The following PACRG variants were observed in gnomAD, a reference collection of about 807,000 sequenced individuals.
PACRG encodes the protein parkin coregulated.
A neutral mutation model predicts 29.7 loss-of-function variants in PACRG; 29 were observed. The observed-to-expected ratio is 0.98, with a 90% confidence interval of 0.73 to 1.33. The LOEUF (loss-of-function observed/expected upper bound fraction) is 1.33, where lower values mean the gene tolerates loss of function less well. Among genes scored for constraint, PACRG ranks in the 40% most tolerant of loss-of-function variants. PACRG has a pLI of 0.00. For synonymous variants in PACRG, 116 were observed against 118.7 expected (o/e 0.98, Z 0.15); for missense variants, 279 against 316.2 (o/e 0.88, Z 0.89).
chr6:162,876,005 T>C (rs1793313827), intron 2 of PACRG, among the ~76,000 whole-genome samples: 1 of 152,168 alleles, frequency 6.6e-6, no homozygotes, highest in East Asian at 1.9e-4. Flanking sequence ...CTTCCCTAGA[T>C]AGAGCCGAAG....
chr6:163,165,655 C>T (rs1778768423), intron 4 of PACRG: 1 of 191,994 alleles, frequency 5.2e-6, no homozygotes, highest in Non-Finnish European at 1.1e-5. Flanking sequence ...AGGGGAGAGG[C>T]GCTGGCCCAG....
At chr6:162,752,298 A>G (rs1158036602) in intron 1 of PACRG, among the ~76,000 whole-genome samples, 1 of 152,192 alleles carries the variant, frequency 6.6e-6, no homozygotes, top group Non-Finnish European at 1.5e-5. Context: ...TGTATATGAG[A>G]GGCAAGTATG....
intron 2 of PACRG, among the ~76,000 whole-genome samples, chr6:163,016,487 A>G (rs1373694519): frequency 1.3e-5 from 2 of 151,896 alleles, no homozygotes; most frequent in Non-Finnish European, 2.9e-5. Context: ...CTGTTAATTT[A>G]GAAAATTGAT....
At chr6:162,990,430 C>G (rs1195942497) in intron 2 of PACRG, among the ~76,000 whole-genome samples, 2 of 149,948 alleles carry the variant, frequency 1.3e-5, no homozygotes, top group Non-Finnish European at 1.5e-5. Context: ...GATTGCCATT[C>G]TAACTGGTGT....
intron 4 of PACRG, among the ~76,000 whole-genome samples, chr6:163,280,646 T>G (rs764038269): frequency 6.6e-6 from 1 of 152,158 alleles, no homozygotes; most frequent in Non-Finnish European, 1.5e-5. Flanking sequence ...GTTCGGCCAA[T>G]TTAGTATCTG....
At chr6:163,197,123 C>T (rs61181974) in intron 4 of PACRG, among the ~76,000 whole-genome samples, 2 of 152,050 alleles carry the variant, frequency 1.3e-5, no homozygotes, top group Non-Finnish European at 2.9e-5. Context: ...TTCAAGATAA[C>T]TTTTTTCTGC....
At position 162,827,680 on chromosome 6, in the gene PACRG, C is replaced by T. The variant is rs117600976; in HGVS notation, c.291+13399C>T. Among the ~76,000 whole-genome samples the T allele has an allele frequency of 1.4e-3, 214 of 152,234 alleles. 4 individuals carry two copies. In the East Asian group the frequency reaches 0.036, roughly 26 times the overall value. ...ATCACTTGATGTCTTGTACTTTATACATCAGACATCTCTGTGCATGTAGAT... is the reference window on the plus strand; with the variant it reads ...ATCACTTGATGTCTTGTACTTTATATATCAGACATCTCTGTGCATGTAGAT... On this transcript the variant is annotated intron_variant, in intron 2 of 4. Coordinates refer to ENST00000366888, the MANE Select transcript of PACRG (RefSeq NM_001080379.2).
At chr6:162,900,788 C>T (rs1010652062) in intron 2 of PACRG, among the ~76,000 whole-genome samples, 9 of 152,324 alleles carry the variant, frequency 5.9e-5, no homozygotes, top group Non-Finnish European at 1.2e-4. Flanking sequence ...GGCTCCTTCT[C>T]AGCCATCGGA....
At chr6:162,824,572 G>A (rs1341971507) in intron 2 of PACRG, among the ~76,000 whole-genome samples, 2 of 152,166 alleles carry the variant, frequency 1.3e-5, no homozygotes, top group East Asian at 1.9e-4. Flanking sequence ...GAGATACTGT[G>A]TCAGAGATTC....
chr6:163,289,151 T>C (rs1784495120), intron 4 of PACRG, among the ~76,000 whole-genome samples: 1 of 152,170 alleles, frequency 6.6e-6, no homozygotes, highest in Admixed American at 6.5e-5. Context: ...CTACCCCACA[T>C]GAGCAGAAAC....
intron 2 of PACRG, among the ~76,000 whole-genome samples, chr6:162,922,574 A>G (rs1584763767): frequency 6.6e-6 from 1 of 151,426 alleles, no homozygotes; most frequent in Middle Eastern, 3.4e-3. Flanking sequence ...CCCCATCCCC[A>G]CCAGCCTTCC....
chr6:163,056,580 T>A (rs1211577411), intron 2 of PACRG, among the ~76,000 whole-genome samples: 1 of 152,142 alleles, frequency 6.6e-6, no homozygotes, highest in African/African-American at 2.4e-5. Flanking sequence ...TGGTAGATCC[T>A]GAACCATTAC....
At chr6:163,197,846 A>C (rs2128365680) in intron 4 of PACRG, among the ~76,000 whole-genome samples, 1 of 152,312 alleles carries the variant, frequency 6.6e-6, no homozygotes, top group South Asian at 2.1e-4. Flanking sequence ...CTTATCTTTC[A>C]AAGGAACAGA....
intron 4 of PACRG, among the ~76,000 whole-genome samples, chr6:163,312,422 C>T (rs1304039902): frequency 6.6e-6 from 1 of 152,144 alleles, no homozygotes; most frequent in Non-Finnish European, 1.5e-5. Flanking sequence ...CTTTTCTTTA[C>T]ACCTGTAGCA....
chr6:162,921,264 G>A (rs568053035), intron 2 of PACRG, among the ~76,000 whole-genome samples: 1 of 152,270 alleles, frequency 6.6e-6, no homozygotes, highest in African/African-American at 2.4e-5. Flanking sequence ...CTCATCTCCT[G>A]CTAGAAGACC....
At chr6:163,063,544 T>C (rs1040181574) in intron 3 of PACRG, among the ~76,000 whole-genome samples, 1 of 152,228 alleles carries the variant, frequency 6.6e-6, no homozygotes, top group Non-Finnish European at 1.5e-5. Flanking sequence ...GGTCACCATT[T>C]TTATTCATTC....
At chr6:162,872,249 G>GAT (rs1792889505) in intron 2 of PACRG, among the ~76,000 whole-genome samples, 2 of 152,190 alleles carry the variant, frequency 1.3e-5, no homozygotes, top group Non-Finnish European at 2.9e-5. Flanking sequence ...AGTGTCATTG[G>GAT]AAGACAGTAG....
At chr6:162,919,632 C>T (rs1022285087) in intron 2 of PACRG, among the ~76,000 whole-genome samples, 1 of 152,042 alleles carries the variant, frequency 6.6e-6, no homozygotes, top group African/African-American at 2.4e-5. Context: ...TGTCAGGCTG[C>T]GGGTTCAAAA....
At chr6:162,830,367 C>T (rs1318702465) in intron 2 of PACRG, among the ~76,000 whole-genome samples, 2 of 152,166 alleles carry the variant, frequency 1.3e-5, no homozygotes, top group Non-Finnish European at 2.9e-5. Context: ...ATGGCTCCAG[C>T]CATACTGGCT....
Sources: allele counts gnomAD v4.1 joint callset (sites outside exome capture counted in the v4.1 genomes callset), GRCh38; gene constraint gnomAD v4.1.1; transcripts MANE v1.5; gene names NCBI Gene and HGNC (gene_info 2026-07-23, HGNC 2026-07-21).